Variants in OR4E2 observed in about 807,000 individuals in gnomAD.
OR4E2 encodes olfactory receptor family 4 subfamily E member 2.
OR4E2 carries 9 observed loss-of-function variants against 11.0 expected under a neutral mutation model. That is an observed-to-expected ratio of 0.82 (90% CI 0.49 to 1.43). The LOEUF (loss-of-function observed/expected upper bound fraction) is 1.43. Among genes scored for constraint, OR4E2 ranks in the 40% most tolerant of loss-of-function variants. The pLI, the probability that OR4E2 is intolerant of heterozygous loss-of-function variation, is 0.00. For missense variants in OR4E2, 441 were observed against 382.0 expected, an observed-to-expected ratio of 1.15 and a Z score of -1.29; for synonymous variants, 159 against 147.3, an observed-to-expected ratio of 1.08 and a Z score of -0.57.
chr14:21,663,691 T>C (rs948081532), intron 3 of OR4E2, among the ~76,000 whole-genome samples: 1 of 152,132 alleles, frequency 6.6e-6, no homozygotes, highest in African/African-American at 2.4e-5. Context: ...TTTAAGTTCA[T>C]GGATAAGTGT....
rs1429095740 is a variant in OR4E2, at chr14:21,666,263, G to A, written c.*239G>A. On this transcript the variant is annotated 3_prime_UTR_variant, in exon 4 of 4. Transcript: ENST00000641524. ...TTATAAGGAAAAATAACGTGGGAAAGTTTAAAGACAGCTTTTGATTTCATC... is the reference window on the plus strand; with the variant it reads ...TTATAAGGAAAAATAACGTGGGAAAATTTAAAGACAGCTTTTGATTTCATC... The A allele has an allele frequency of 7.4e-6, 3 of 405,648 alleles. No individual in the cohort carries two copies. Among genetic ancestry groups the A allele is most frequent in the Non-Finnish European group, 1.3e-5 (3 of 228,682 alleles). The allele number at this position is 405,648 out of a possible 1,614,324, so 25.1% of individuals were successfully genotyped here. A position where few individuals can be genotyped will look rare whatever the true frequency, so the allele number is the denominator to read the frequency against.
At position 21,667,083 on chromosome 14, in the gene OR4E2, T is replaced by A. The variant is rs1209190181; in HGVS notation, c.*1059T>A. Reference sequence around the variant, plus strand: ...TATTCTGTGACTGAAATAAGTAGGATTAGCTGTAAATGAAGATCCTATAGA... The same window carrying A: ...TATTCTGTGACTGAAATAAGTAGGAATAGCTGTAAATGAAGATCCTATAGA... On this transcript the variant is annotated 3_prime_UTR_variant, in exon 4 of 4. Coordinates refer to ENST00000641524, the MANE Select transcript of OR4E2 (RefSeq NM_001001912.3). 2 of 152,132 alleles carry A rather than the reference T, an allele frequency of 1.3e-5. No individual in the cohort carries two copies. The highest frequency in any genetic ancestry group is 6.5e-5 in the Admixed American group (1 of 15,274). 9.4% of individuals were successfully genotyped at this position (152,132 alleles called of 1,614,324 possible).
intron 2 of OR4E2, among the ~76,000 whole-genome samples, chr14:21,657,864 C>T (rs951740231): frequency 2.0e-5 from 3 of 152,176 alleles, no homozygotes; most frequent in Admixed American, 6.5e-5. Flanking sequence ...GCTGGGATTA[C>T]AGGCATAAGC....
At chr14:21,661,588 G>A (rs753115228) in intron 3 of OR4E2, among the ~76,000 whole-genome samples, 2 of 152,224 alleles carry the variant, frequency 1.3e-5, no homozygotes, top group Non-Finnish European at 2.9e-5. Context: ...CAGAAATTCT[G>A]AATTGATGGT....
In OR4E2 at chr14:21,660,653, A is replaced by G. The variant is rs1490977655; in HGVS notation, c.-102A>G. ...TCTATTTTTTTTTTTTTTTTTAAAG[A>G]TGGCATCTCGCTGTGCTGCCTAGGC... On this transcript the variant is annotated splice_region_variant and 5_prime_UTR_variant, in exon 3 of 4. The change abolishes an upstream ATG in the 5' untranslated region. Transcript: ENST00000641524. 2 of 147,168 alleles carry G rather than the reference A, an allele frequency of 1.4e-5. No individual in the cohort carries two copies. The highest frequency in any genetic ancestry group is 3.0e-5 in the Non-Finnish European group (2 of 67,254). The allele number at this position is 147,168 out of a possible 1,614,324, so 9.1% of individuals were successfully genotyped here. A position where few individuals can be genotyped will look rare whatever the true frequency, so the allele number is the denominator to read the frequency against.
chr14:21,663,603 G>A (rs919702551), intron 3 of OR4E2, among the ~76,000 whole-genome samples: 1 of 152,170 alleles, frequency 6.6e-6, no homozygotes, highest in Admixed American at 6.5e-5. Flanking sequence ...GACTGGGTCA[G>A]GAAAGTTTTC....
chr14:21,656,405 G>A (rs1386058937), intron 1 of OR4E2, 97 bp from the exon 2 acceptor site: 2 of 152,074 alleles, frequency 1.3e-5, no homozygotes, highest in Non-Finnish European at 2.9e-5. Context: ...TTAAAAAGGT[G>A]AAACTGTTCA....
rs374437797 is a variant in OR4E2 at position 21,665,920 on chromosome 14, C to G, written c.838C>G (p.Pro280Ala). The G allele has an allele frequency of 4.8e-5, 78 of 1,613,356 alleles. No individual in the cohort carries two copies. Among genetic ancestry groups the G allele is most frequent in the South Asian group, 4.7e-4 (43 of 90,876 alleles). ...GTCTGTCTTCTACACAGTGGTCACC[C>G]CTTTGCTGAATCCCTTCATTTACAC... The part of the protein sequence containing the change: ...VVSVFYTVVT[P>A]LLNPFIYTLR... The change falls in exon 4 of 4, where the codon CCT (proline) becomes GCT (alanine). Residue 280 changes from proline to alanine, a missense_variant. By Grantham distance (27) the Pro-to-Ala change is conservative (BLOSUM62 -1). Coordinates refer to ENST00000641524, the MANE Select transcript of OR4E2 (RefSeq NM_001001912.3).
rs1218945300 is a variant in OR4E2, at chr14:21,666,338, C to T, written c.*314C>T. 5 of 275,420 alleles carry T rather than the reference C, an allele frequency of 1.8e-5. No individual in the cohort carries two copies. The South Asian group carries it at 1.9e-4, about 10-fold the overall frequency. The allele number at this position is 275,420 out of a possible 1,614,324, so 17.1% of individuals were successfully genotyped here. On this transcript the variant is annotated 3_prime_UTR_variant, in exon 4 of 4. Coordinates refer to ENST00000641524, the MANE Select transcript of OR4E2 (RefSeq NM_001001912.3). ...CTCAGTTCAGTCTCAGTTTCAGGAG[C>T]AGGTAGAGTGAGAATTGACTCTCTT...
chr14:21,664,462 T>G (rs186661725), intron 3 of OR4E2, among the ~76,000 whole-genome samples: 136 of 152,194 alleles, frequency 8.9e-4, no homozygotes, highest in Non-Finnish European at 1.4e-3. Context: ...TAGTAAACAA[T>G]GAGGTGAGGA....
At chr14:21,660,963 A>T (rs1385352889) in intron 3 of OR4E2, among the ~76,000 whole-genome samples, 1 of 152,218 alleles carries the variant, frequency 6.6e-6, no homozygotes, top group Admixed American at 6.5e-5. Flanking sequence ...AATAGAATAT[A>T]AAATTATATG....
intron 1 of OR4E2, among the ~76,000 whole-genome samples, chr14:21,655,150 A>C (rs1879871621): frequency 6.6e-6 from 1 of 152,236 alleles, no homozygotes; most frequent in Non-Finnish European, 1.5e-5. Context: ...TTAAAGGGAT[A>C]AAATTATTAC....
intron 3 of OR4E2, among the ~76,000 whole-genome samples, chr14:21,663,475 G>A (rs1031145703): frequency 1.3e-4 from 11 of 86,648 alleles, no homozygotes; most frequent in East Asian, 8.0e-4. Flanking sequence ...GCAAGACTCC[G>A]TCTCGAAAAA....
rs1880697518 is a variant in OR4E2, at chr14:21,667,260, C to T, written c.*1236C>T. On this transcript the variant is annotated 3_prime_UTR_variant, in exon 4 of 4. Coordinates refer to ENST00000641524, the MANE Select transcript of OR4E2 (RefSeq NM_001001912.3). ...GATTGGGGTCTTTGTCACTATTTTC[C>T]ACATGGTCTGTCAACTTATAGAAAT... The T allele has an allele frequency of 6.6e-6, 1 of 151,942 alleles. No individual in the cohort carries two copies. Among genetic ancestry groups the T allele is most frequent in the Non-Finnish European group, 1.5e-5 (1 of 67,990 alleles). The allele number at this position is 151,942 out of a possible 1,614,324, so 9.4% of individuals were successfully genotyped here.
rs184610169 is a variant in OR4E2, at chr14:21,665,956, G to A, written c.874G>A (p.Glu292Lys). The A allele has an allele frequency of 1.2e-3, 1,930 of 1,614,092 alleles. 4 individuals carry two copies. Among genetic ancestry groups the A allele is most frequent in the Middle Eastern group, 0.01 (63 of 6,062 alleles). The change falls in exon 4 of 4, where the codon GAG becomes AAG. Residue 292 changes from glutamate (E) to lysine (K), a missense_variant. Physicochemically the swap from Glu to Lys is moderately conservative, Grantham distance 56. Coordinates refer to ENST00000641524, the MANE Select transcript of OR4E2 (RefSeq NM_001001912.3). ...TCCCTTCATTTACACCTTGAGGAAT[G>A]AGGAGGTAAAAAGTGCCATGAAGCA... The part of the protein sequence containing the change: ...LNPFIYTLRN[E>K]EVKSAMKQLR...
Position 21,665,368 on chromosome 14 carries a change from A to C in OR4E2, c.286A>C (p.Asn96His). The change falls in exon 4 of 4, where the codon AAC (asparagine) becomes CAC (histidine). Residue 96 changes from asparagine to histidine, a missense_variant. Coordinates refer to ENST00000641524, the MANE Select transcript of OR4E2 (RefSeq NM_001001912.3). The stretch of plus-strand genomic sequence containing the variant: ...AGAAAGAAAGACCATTTCCTTTGAC[A>C]ACTGCATCACACAGCTCTTCTTCCT... ...LLERKTISFDNCITQLFFLHL... is the reference protein window; with the variant it reads ...LLERKTISFDHCITQLFFLHL... 6.2e-7 allele frequency: 1 copy of C among 1,614,122 alleles called. No homozygotes were observed. Among genetic ancestry groups the C allele is most frequent in the South Asian group, 1.1e-5 (1 of 91,080 alleles).
chr14:21,658,692 AG>A (rs1248746449), intron 2 of OR4E2, among the ~76,000 whole-genome samples: 1 of 152,200 alleles, frequency 6.6e-6, no homozygotes, highest in African/African-American at 2.4e-5. Flanking sequence ...GATTTCAAAA[AG>A]GGGAAAGTTG....
chr14:21,665,503 T>C lies in OR4E2; in HGVS notation c.421T>C (p.Cys141Arg). Reference protein sequence around the residue: ...HYPNVMNMRVCIQLVFALWLG... With the variant: ...HYPNVMNMRVRIQLVFALWLG... ...CCCCAATGTGATGAACATGAGAGTCTGTATACAGCTTGTCTTTGCTCTCTG... is the reference window on the plus strand; with the variant it reads ...CCCCAATGTGATGAACATGAGAGTCCGTATACAGCTTGTCTTTGCTCTCTG... The change falls in exon 4 of 4, where the codon TGT becomes CGT. Residue 141 changes from cysteine to arginine, a missense_variant. Coordinates refer to ENST00000641524, the MANE Select transcript of OR4E2 (RefSeq NM_001001912.3). 6.2e-7 allele frequency: 1 copy of C among 1,614,218 alleles called. No homozygotes were observed. The highest frequency in any genetic ancestry group is 8.5e-7 in the Non-Finnish European group (1 of 1,180,034).
chr14:21,666,705 T>G lies in OR4E2; in HGVS notation c.*681T>G, dbSNP rs1880671006. 6.6e-6 allele frequency: 1 copy of G among 151,884 alleles called. No homozygotes were observed. Among genetic ancestry groups the G allele is most frequent in the Non-Finnish European group, 1.5e-5 (1 of 67,956 alleles). The allele number at this position is 151,884 out of a possible 1,614,324, so 9.4% of individuals were successfully genotyped here. A position where few individuals can be genotyped will look rare whatever the true frequency, so the allele number is the denominator to read the frequency against. The stretch of plus-strand genomic sequence containing the variant: ...AAGGTAGAAAATACCAAGTGGTTTT[T>G]TTTTTTTTTTTCCTAATTACTCTGT... On this transcript the variant is annotated 3_prime_UTR_variant, in exon 4 of 4. Transcript: ENST00000641524.
Sources: allele counts gnomAD v4.1 joint callset (sites outside exome capture counted in the v4.1 genomes callset), GRCh38; gene constraint gnomAD v4.1.1; transcripts MANE v1.5; gene names NCBI Gene and HGNC (gene_info 2026-07-23, HGNC 2026-07-21).